Variants in KCNAB1 observed in about 807,000 individuals in gnomAD.
KCNAB1 encodes the protein voltage-gated potassium channel subunit beta-1.
A neutral mutation model predicts 64.6 loss-of-function variants in KCNAB1; 35 were observed. That is an observed-to-expected ratio of 0.54 (90% CI 0.41 to 0.72). KCNAB1 has a LOEUF of 0.72. KCNAB1 is among the 30% of genes least tolerant of loss of function. The pLI, the probability that KCNAB1 is intolerant of heterozygous loss-of-function variation, is 0.00. For missense variants in KCNAB1, 401 were observed against 512.9 expected, an observed-to-expected ratio of 0.78 and a Z score of 2.11; for synonymous variants, 177 against 183.8, an observed-to-expected ratio of 0.96 and a Z score of 0.30.
chr3:156,333,696 A>T (rs1194283299), intron 1 of KCNAB1, among the ~76,000 whole-genome samples: 6 of 152,190 alleles, frequency 3.9e-5, no homozygotes, highest in African/African-American at 1.4e-4. Flanking sequence ...TTTCATGCAC[A>T]TTGACAAATT....
intron 1 of KCNAB1, among the ~76,000 whole-genome samples, chr3:156,419,838 A>G (rs151251452): frequency 1.3e-3 from 194 of 152,302 alleles, no homozygotes; most frequent in African/African-American, 4.5e-3. Context: ...CTGTATCTCC[A>G]TGACTTTTTA....
At chr3:156,490,671 G>C (rs529426271) in intron 8 of KCNAB1, among the ~76,000 whole-genome samples, 11 of 152,174 alleles carry the variant, frequency 7.2e-5, no homozygotes, top group African/African-American at 2.6e-4. Context: ...AAAAGGAATG[G>C]ACAATAGGAG....
At chr3:156,304,536 A>G (rs968961598) in intron 1 of KCNAB1, among the ~76,000 whole-genome samples, 2 of 152,256 alleles carry the variant, frequency 1.3e-5, no homozygotes, top group African/African-American at 4.8e-5. Flanking sequence ...GTTTATACTA[A>G]TAGTGACTCA....
intron 1 of KCNAB1, among the ~76,000 whole-genome samples, chr3:156,408,700 A>C (rs1714426699): frequency 6.6e-6 from 1 of 152,070 alleles, no homozygotes. Context: ...GAATCACTTG[A>C]ACCTGGGAGA....
At chr3:156,317,715 A>G (rs1305936790) in intron 1 of KCNAB1, among the ~76,000 whole-genome samples, 1 of 152,182 alleles carries the variant, frequency 6.6e-6, no homozygotes, top group Non-Finnish European at 1.5e-5. Context: ...GATTTACAAT[A>G]GCCTTGCAAA....
rs1717659062 is a variant in KCNAB1, at chr3:156,249,216, G to A, written c.275+128330G>A. On this transcript the variant is annotated intron_variant, in intron 1 of 13. Coordinates refer to ENST00000490337, the MANE Select transcript of KCNAB1 (RefSeq NM_172160.3). ...TAGTTAGTGGGAATGACTTTGACCA[G>A]AGACCTGGAAAGAAGTAGCTGACCA... Among the ~76,000 whole-genome samples, 2 of 152,090 alleles carry A rather than the reference G, an allele frequency of 1.3e-5. 1 individual carries two copies. Among genetic ancestry groups the A allele is most frequent in the South Asian group, 4.2e-4 (2 of 4,814 alleles).
chr3:156,224,349 TG>T (rs1716012872), intron 1 of KCNAB1, among the ~76,000 whole-genome samples: 1 of 152,210 alleles, frequency 6.6e-6, no homozygotes, highest in South Asian at 2.1e-4. Flanking sequence ...GCTCCGGCCT[TG>T]GCCAGCCCAG....
intron 1 of KCNAB1, among the ~76,000 whole-genome samples, chr3:156,147,668 G>A (rs1258760494): frequency 6.6e-6 from 1 of 152,108 alleles, no homozygotes; most frequent in East Asian, 1.9e-4. Flanking sequence ...TGACGGCAGG[G>A]AGAAGGCTAT....
chr3:156,175,643 A>G (rs956418639), intron 1 of KCNAB1, among the ~76,000 whole-genome samples: 2 of 152,186 alleles, frequency 1.3e-5, no homozygotes, highest in Non-Finnish European at 2.9e-5. Context: ...ACAGTTCCTG[A>G]AATCAGGCAG....
chr3:156,401,308 G>A (rs754516103), intron 1 of KCNAB1, among the ~76,000 whole-genome samples: 8 of 152,164 alleles, frequency 5.3e-5, no homozygotes, highest in Non-Finnish European at 1.0e-4. Context: ...TGCAAGTCCC[G>A]GATGAACCAG....
At chr3:156,536,588 T>C in intron 13 of KCNAB1, 70 bp from the exon 14 acceptor site, 1 of 1,050,940 alleles carries the variant, frequency 9.5e-7, no homozygotes, top group Non-Finnish European at 1.5e-6. Context: ...CTTTGCTAAA[T>C]ATAGAGCACA....
intron 1 of KCNAB1, among the ~76,000 whole-genome samples, chr3:156,121,382 C>T (rs1307928902): frequency 1.3e-5 from 2 of 152,020 alleles, no homozygotes; most frequent in African/African-American, 4.8e-5. Context: ...ATATTGACCA[C>T]CAATATAGGG....
chr3:156,437,453 G>A (rs16826150), intron 2 of KCNAB1, among the ~76,000 whole-genome samples: 5,630 of 152,138 alleles, frequency 0.037, 341 homozygotes, highest in African/African-American at 0.13. Flanking sequence ...GGTAGCATTC[G>A]GTTAAGCTTT....
intron 1 of KCNAB1, among the ~76,000 whole-genome samples, chr3:156,347,460 C>T (rs897174940): frequency 2.6e-5 from 4 of 152,138 alleles, no homozygotes; most frequent in African/African-American, 9.7e-5. Context: ...CATGGTTTTG[C>T]CATCAGTGAG....
At chr3:156,302,256 A>C (rs1174584178) in intron 1 of KCNAB1, among the ~76,000 whole-genome samples, 1 of 152,132 alleles carries the variant, frequency 6.6e-6, no homozygotes, top group African/African-American at 2.4e-5. Context: ...GTAATCCAGC[A>C]AATCTCCTCA....
At chr3:156,133,188 A>C (rs1202989996) in intron 1 of KCNAB1, among the ~76,000 whole-genome samples, 1 of 152,246 alleles carries the variant, frequency 6.6e-6, no homozygotes, top group Non-Finnish European at 1.5e-5. Flanking sequence ...GAGTCAGCAT[A>C]AACAATTCCA....
chr3:156,517,646 C>A (rs1717646751), intron 11 of KCNAB1, among the ~76,000 whole-genome samples: 1 of 152,180 alleles, frequency 6.6e-6, no homozygotes, highest in African/African-American at 2.4e-5. Flanking sequence ...ATGTGCCAAG[C>A]ACTGAGCTAA....
At chr3:156,197,290 A>G (rs1366794579) in intron 1 of KCNAB1, among the ~76,000 whole-genome samples, 1 of 152,094 alleles carries the variant, frequency 6.6e-6, no homozygotes, top group Non-Finnish European at 1.5e-5. Context: ...TGTCTCTGCC[A>G]GGTTTTGGTA....
At chr3:156,178,428 A>G (rs1187317367) in intron 1 of KCNAB1, among the ~76,000 whole-genome samples, 1 of 152,186 alleles carries the variant, frequency 6.6e-6, no homozygotes, top group East Asian at 1.9e-4. Flanking sequence ...AGTGGGGAAA[A>G]GAGAAGATGT....
Sources: gnomAD v4.1 joint callset for allele counts (sites outside exome capture counted in the v4.1 genomes callset) on GRCh38, gnomAD v4.1.1 for gene constraint, MANE v1.5 for transcripts, NCBI Gene and HGNC (gene_info 2026-07-23, HGNC 2026-07-21) for gene names.